Variants in UNC119B observed in about 807,000 individuals in gnomAD.
UNC119B encodes the protein protein unc-119 homolog B.
In UNC119B, 16 loss-of-function variants were observed where a neutral mutation model predicts 23.4. The ratio of observed to expected loss-of-function variants is 0.68; its 90% CI spans 0.46 to 1.04. UNC119B has a LOEUF of 1.04. UNC119B is among the 50% of genes least tolerant of loss of function. The probability of loss-of-function intolerance (pLI) is 0.00; values close to 1 mark genes in which losing one functional copy is unlikely to be tolerated. For synonymous variants in UNC119B, 144 were observed against 145.4 expected, an observed-to-expected ratio of 0.99 and a Z score of 0.07; for missense variants, 350 against 361.3, an observed-to-expected ratio of 0.97 and a Z score of 0.25.
chr12:120,717,125 CTGGCATTGTCT>C, intron 4 of UNC119B, 83 bp downstream of exon 4: 2 of 1,385,266 alleles, frequency 1.4e-6, no homozygotes, highest in Non-Finnish European at 2.0e-6. Context: ...GTCCAGCGCC[CTGGCATTGTCT>C]CGTGGCAGTG....
chr12:120,710,651 G>A lies in UNC119B; in HGVS notation c.177G>A (p.Glu59=), dbSNP rs778817675. The stretch of plus-strand genomic sequence containing the variant: ...ACGGCGTCGGGGCAGCGGTCACGGA[G>A]CAGGAGCTGCTGGCGCTGGACACCA... ...ADDGVGAAVT[E]QELLALDTIR... The change falls in exon 1 of 5, where the codon GAG becomes GAA. Residue 59 remains glutamate (E), a synonymous_variant. Transcript: ENST00000344651. 2.8e-6 allele frequency: 4 copies of A among 1,451,482 alleles called. No individual in the cohort carries two copies. The highest frequency in any genetic ancestry group is 2.7e-6 in the Non-Finnish European group (3 of 1,106,948). The allele number at this position is 1,451,482 out of a possible 1,614,324, so 89.9% of individuals were successfully genotyped here.
At position 120,719,923 on chromosome 12, in the gene UNC119B, G is replaced by A. The variant is rs762500797; in HGVS notation, c.647G>A (p.Arg216His). ...EFPQLSEDVI[R>H]LMIENPYETR... is the part of the protein sequence containing the mutation. ...TCCCCCTTTGCCTGACTTGCAGTTC[G>A]TCTAATGATTGAAAATCCTTACGAG... Residue 216 changes from arginine (R) to histidine (H), a missense_variant, in exon 5 of 5, where the codon CGT becomes CAT. Transcript: ENST00000344651. 37 of 1,612,892 alleles carry A rather than the reference G, an allele frequency of 2.3e-5. 1 individual carries two copies. In the East Asian group the frequency reaches 6.5e-4, roughly 28 times the overall value.
Position 120,721,135 on chromosome 12 carries a change from C to G in UNC119B, c.*1103C>G, listed in dbSNP as rs952979511. 6.6e-6 allele frequency: 1 copy of G among 152,214 alleles called. No individual in the cohort carries two copies. Among genetic ancestry groups the G allele is most frequent in the African/African-American group, 2.4e-5 (1 of 41,442 alleles). The allele number at this position is 152,214 out of a possible 1,614,324, so 9.4% of individuals were successfully genotyped here. A position where few individuals can be genotyped will look rare whatever the true frequency, so the allele number is the denominator to read the frequency against. On this transcript the variant is annotated 3_prime_UTR_variant, in exon 5 of 5. Transcript: ENST00000344651. ...GAGGGTTTTCCTATCTACCTTTCTA[C>G]TGAAGTAGTTTCTGGAACTTTCCTG...
At position 120,717,144 on chromosome 12, in the gene UNC119B, G is replaced by A. The variant is rs1882798655; in HGVS notation, c.643+102G>A. 5.9e-6 allele frequency: 7 copies of A among 1,191,096 alleles called. No individual in the cohort carries two copies. The South Asian group carries it at 1.2e-4, about 20-fold the overall frequency. The allele number at this position is 1,191,096 out of a possible 1,614,324, so 73.8% of individuals were successfully genotyped here. On this transcript the variant is annotated intron_variant, in intron 4 of 4. Coordinates refer to ENST00000344651, the MANE Select transcript of UNC119B (RefSeq NM_001080533.3). The stretch of plus-strand genomic sequence containing the variant: ...AGCGCCCTGGCATTGTCTCGTGGCA[G>A]TGCTGACATGATGCGTATCTAGTCA...
chr12:120,716,731 C>A lies in UNC119B; in HGVS notation c.462C>A (p.Val154=). The change falls in exon 3 of 5, where the codon GTC becomes GTA. Residue 154 remains valine, a synonymous_variant. Coordinates refer to ENST00000344651, the MANE Select transcript of UNC119B (RefSeq NM_001080533.3). ...FTPAFLRLRT[V]GATVEFTVGD... ...CGGCATTTCTCCGCCTCCGGACAGT[C>A]GGGGCTACGTGAGTACCATTACTAC... is the stretch of plus-strand genomic sequence containing the variant. 3 of 1,614,018 alleles carry A rather than the reference C, an allele frequency of 1.9e-6. No homozygotes were observed. The highest frequency in any genetic ancestry group is 2.2e-5 in the South Asian group (2 of 91,056).
intron 4 of UNC119B, among the ~76,000 whole-genome samples, chr12:120,717,756 G>A (rs1592928345): frequency 6.8e-6 from 1 of 146,000 alleles, no homozygotes; most frequent in South Asian, 2.2e-4. Context: ...TAGAGACAGA[G>A]TTTCACCATG....
At position 120,713,348 on chromosome 12, in the gene UNC119B, G is replaced by A; in HGVS notation, c.319G>A (p.Gly107Arg). 1 of 1,614,166 alleles carries A rather than the reference G, an allele frequency of 6.2e-7. No homozygotes were observed. Among genetic ancestry groups the A allele is most frequent in the Non-Finnish European group, 8.5e-7 (1 of 1,179,986 alleles). The change falls in exon 2 of 5, where the codon GGG becomes AGG. Residue 107 changes from glycine (G) to arginine (R), a missense_variant. Gly to Arg is a moderately radical substitution (Grantham distance 125, BLOSUM62 -2). Coordinates refer to ENST00000344651, the MANE Select transcript of UNC119B (RefSeq NM_001080533.3). ...CTTCAAAATTCGAGATTTGGAGACA[G>A]GGACAGTACTTTTTGAGATTGCCAA... ...TRFKIRDLETGTVLFEIAKPC... is the reference protein window; with the variant it reads ...TRFKIRDLETRTVLFEIAKPC...
chr12:120,713,354 G>A lies in UNC119B; in HGVS notation c.325G>A (p.Val109Ile). 1.2e-6 allele frequency: 2 copies of A among 1,614,172 alleles called. No individual in the cohort carries two copies. Among genetic ancestry groups the A allele is most frequent in the Non-Finnish European group, 1.7e-6 (2 of 1,179,988 alleles). Residue 109 changes from valine to isoleucine, a missense_variant, in exon 2 of 5, where the codon GTA becomes ATA. Coordinates refer to ENST00000344651, the MANE Select transcript of UNC119B (RefSeq NM_001080533.3). ...FKIRDLETGT[V>I]LFEIAKPCVS... ...AATTCGAGATTTGGAGACAGGGACA[G>A]TACTTTTTGAGATTGCCAAACCTTG...
In UNC119B at chr12:120,721,529, A is replaced by G. The variant is rs1263525798; in HGVS notation, c.*1497A>G. 1 of 152,452 alleles carries G rather than the reference A, an allele frequency of 6.6e-6. No individual in the cohort carries two copies. The highest frequency in any genetic ancestry group is 1.5e-5 in the Non-Finnish European group (1 of 68,168). 9.4% of individuals were successfully genotyped at this position (152,452 alleles called of 1,614,324 possible). On this transcript the variant is annotated 3_prime_UTR_variant, in exon 5 of 5. Coordinates refer to ENST00000344651, the MANE Select transcript of UNC119B (RefSeq NM_001080533.3). ...GGGATGGAAGAGACAGTGTGTGGCC[A>G]CAGAAATTCCTGTCCATCCACCACC...
Position 120,719,908 on chromosome 12 carries a change from C to T in UNC119B, c.644-12C>T. ...TCTTTGCTTTTTTCTTCCCCCTTTGCCTGACTTGCAGTTCGTCTAATGATT... is the reference window on the plus strand; with the variant it reads ...TCTTTGCTTTTTTCTTCCCCCTTTGTCTGACTTGCAGTTCGTCTAATGATT... On this transcript the variant is annotated splice_polypyrimidine_tract_variant and intron_variant, in intron 4 of 4. Coordinates refer to ENST00000344651, the MANE Select transcript of UNC119B (RefSeq NM_001080533.3). 2 of 1,600,594 alleles carry T rather than the reference C, an allele frequency of 1.2e-6. No individual in the cohort carries two copies. Among genetic ancestry groups the T allele is most frequent in the Non-Finnish European group, 1.7e-6 (2 of 1,167,768 alleles).
chr12:120,715,521 C>CTTTTTTTTTTTTT (rs55906857), intron 2 of UNC119B, among the ~76,000 whole-genome samples: 8 of 71,516 alleles, frequency 1.1e-4, no homozygotes, highest in East Asian at 1.1e-3. Context: ...TTCTCTGATT[C>CTTTTTTTTTTTTT]TTTTTTTTTT....
Position 120,722,248 on chromosome 12 carries a change from C to T in UNC119B, c.*2216C>T, listed in dbSNP as rs1882925997. 6.6e-6 allele frequency: 1 copy of T among 152,284 alleles called. No homozygotes were observed. The highest frequency in any genetic ancestry group is 6.5e-5 in the Admixed American group (1 of 15,278). The allele number at this position is 152,284 out of a possible 1,614,324, so 9.4% of individuals were successfully genotyped here. A position where few individuals can be genotyped will look rare whatever the true frequency, so the allele number is the denominator to read the frequency against. ...CTTCCTTGTTAGCTTGCCTTAGTCT[C>T]ACTGGAGACCATTTGCGGATAGTGC... On this transcript the variant is annotated 3_prime_UTR_variant, in exon 5 of 5. Transcript: ENST00000344651.
Position 120,720,057 on chromosome 12 carries a change from G to A in UNC119B, c.*25G>A, listed in dbSNP as rs1246407546. On this transcript the variant is annotated 3_prime_UTR_variant, in exon 5 of 5. Coordinates refer to ENST00000344651, the MANE Select transcript of UNC119B (RefSeq NM_001080533.3). Reference sequence around the variant, plus strand: ...AGTGCTGCAAGAGTAGATAGGGGAGGTGCTTTGCCGCGGCCACAAGATCCT... The same window carrying A: ...AGTGCTGCAAGAGTAGATAGGGGAGATGCTTTGCCGCGGCCACAAGATCCT... 3.2e-6 allele frequency: 5 copies of A among 1,543,192 alleles called. No homozygotes were observed. In the African/African-American group the frequency reaches 5.5e-5, roughly 17 times the overall value.
chr12:120,719,620 A>G (rs974012502), intron 4 of UNC119B, among the ~76,000 whole-genome samples: 1 of 152,156 alleles, frequency 6.6e-6, no homozygotes, highest in Non-Finnish European at 1.5e-5. Context: ...AGGGGTGAGC[A>G]CATTTCCCTG....
chr12:120,720,227 C>A lies in UNC119B; in HGVS notation c.*195C>A. On this transcript the variant is annotated 3_prime_UTR_variant, in exon 5 of 5. Transcript: ENST00000344651. ...TTTTCTTCCCCAGTATTTTTTCTTCCCTTTTTTTCCTGCCCCGTAGGTTGC... is the reference window on the plus strand; with the variant it reads ...TTTTCTTCCCCAGTATTTTTTCTTCACTTTTTTTCCTGCCCCGTAGGTTGC... 1 of 572,758 alleles carries A rather than the reference C, an allele frequency of 1.7e-6. No homozygotes were observed. 35.5% of individuals were successfully genotyped at this position (572,758 alleles called of 1,614,324 possible).
chr12:120,716,773 C>T, intron 3 of UNC119B, 34 bp downstream of exon 3: 1 of 1,608,736 alleles, frequency 6.2e-7, no homozygotes, highest in Non-Finnish European at 8.5e-7. Flanking sequence ...GGAGAACATT[C>T]TGTTTGTTCA....
At chr12:120,713,729 C>G (rs1001608994) in intron 2 of UNC119B, among the ~76,000 whole-genome samples, 4 of 152,224 alleles carry the variant, frequency 2.6e-5, no homozygotes, top group Admixed American at 6.5e-5. Flanking sequence ...AGGCCCTGTG[C>G]TGGTTCATCT....
chr12:120,710,844 T>G, intron 1 of UNC119B, 126 bp downstream of exon 1: 3 of 946,910 alleles, frequency 3.2e-6, no homozygotes, highest in South Asian at 5.4e-5. Flanking sequence ...CGGGCCGCGC[T>G]TCCCGCTGCC....
rs1404432624 is a variant in UNC119B at position 120,713,334 on chromosome 12, G to A, written c.305G>A (p.Arg102Gln). Residue 102 changes from arginine to glutamine, a missense_variant, in exon 2 of 5, where the codon CGA becomes CAA. Arg to Gln is a conservative substitution (Grantham distance 43, BLOSUM62 1). Transcript: ENST00000344651. ...ATTGATTTCACCCGCTTCAAAATTC[G>A]AGATTTGGAGACAGGGACAGTACTT... ...YSIDFTRFKI[R>Q]DLETGTVLFE... The A allele has an allele frequency of 3.7e-6, 6 of 1,614,136 alleles. No homozygotes were observed. The highest frequency in any genetic ancestry group is 1.7e-5 in the Admixed American group (1 of 60,022).
Sources: gnomAD v4.1 joint callset for allele counts (sites outside exome capture counted in the v4.1 genomes callset) on GRCh38, gnomAD v4.1.1 for gene constraint, MANE v1.5 for transcripts, NCBI Gene and HGNC (gene_info 2026-07-23, HGNC 2026-07-21) for gene names.